PID1: variants seen among roughly 807,000 people sequenced by gnomAD.
The protein encoded by PID1 is PTB-containing, cubilin and LRP1-interacting protein.
PID1 carries 10 observed loss-of-function variants against 19.1 expected under a neutral mutation model. That is an observed-to-expected ratio of 0.52 (90% CI 0.32 to 0.89). PID1 has a LOEUF of 0.89. PID1 is among the 40% of genes least tolerant of loss of function. PID1 has a pLI of 0.03. For synonymous variants in PID1, 130 were observed against 116.0 expected (o/e 1.12, Z -0.78); for missense variants, 248 against 285.3 (o/e 0.87, Z 0.94).
In PID1 at chr2:229,148,303, C is replaced by T. The variant is rs575925992; in HGVS notation, c.177+7515G>A. Among the ~76,000 whole-genome samples, 13 of 152,270 alleles carry T rather than the reference C, an allele frequency of 8.5e-5. No homozygotes were observed. The South Asian group carries it at 2.5e-3, about 29-fold the overall frequency. On this transcript the variant is annotated intron_variant, in intron 2 of 2. Transcript: ENST00000392055. ...TAAAACCACATGTATAATATCCTTC[C>T]GCGCTAGGTACACTAGCAGTAGCAT...
chr2:229,165,589 A>C (rs903021086), intron 1 of PID1, among the ~76,000 whole-genome samples: 3 of 152,050 alleles, frequency 2.0e-5, no homozygotes, highest in African/African-American at 7.2e-5. Context: ...CAAAAATAAA[A>C]AAAAAAATTG....
chr2:229,244,084 T>C (rs762898334), intron 1 of PID1, among the ~76,000 whole-genome samples: 2 of 152,272 alleles, frequency 1.3e-5, no homozygotes, highest in Non-Finnish European at 2.9e-5. Flanking sequence ...AACATAAGAA[T>C]AAAGCAAAAA....
intron 2 of PID1, among the ~76,000 whole-genome samples, chr2:229,053,608 CTCTTGGCCTGCA>C (rs1387860194): frequency 6.6e-6 from 1 of 152,252 alleles, no homozygotes; most frequent in Non-Finnish European, 1.5e-5. Flanking sequence ...CAGTTTCCCT[CTCTTGGCCTGCA>C]TGGAGTTCCC....
At chr2:229,152,862 C>A (rs952253974) in intron 2 of PID1, among the ~76,000 whole-genome samples, 3 of 152,110 alleles carry the variant, frequency 2.0e-5, no homozygotes, top group African/African-American at 7.2e-5. Flanking sequence ...TTCCTCCTGC[C>A]TCTTTCCCTC....
chr2:229,029,561 G>A (rs953967704), intron 2 of PID1, among the ~76,000 whole-genome samples: 3 of 152,066 alleles, frequency 2.0e-5, no homozygotes, highest in African/African-American at 7.2e-5. Context: ...TCAAAGTAGA[G>A]GCCGGGCGCA....
At chr2:229,146,018 A>G (rs1003197228) in intron 2 of PID1, among the ~76,000 whole-genome samples, 1 of 152,216 alleles carries the variant, frequency 6.6e-6, no homozygotes, top group African/African-American at 2.4e-5. Flanking sequence ...CTTAGGCTTA[A>G]GAAAAAATAA....
chr2:229,218,136 T>C (rs1395075635), intron 1 of PID1, among the ~76,000 whole-genome samples: 1 of 152,156 alleles, frequency 6.6e-6, no homozygotes, highest in African/African-American at 2.4e-5. Flanking sequence ...TAATTCTTTT[T>C]CAATGAACCA....
intron 1 of PID1, among the ~76,000 whole-genome samples, chr2:229,246,092 G>A (rs911345690): frequency 6.6e-6 from 1 of 152,076 alleles, no homozygotes; most frequent in Admixed American, 6.6e-5. Flanking sequence ...AATAGCAATC[G>A]CTGATTCCTG....
intron 2 of PID1, among the ~76,000 whole-genome samples, chr2:229,077,720 C>T (rs1694588154): frequency 6.6e-6 from 1 of 152,154 alleles, no homozygotes. Flanking sequence ...TTTCTGAGAC[C>T]TCTGTTCTGT....
At chr2:229,217,156 G>T (rs1221450366) in intron 1 of PID1, among the ~76,000 whole-genome samples, 2 of 152,158 alleles carry the variant, frequency 1.3e-5, no homozygotes, top group African/African-American at 4.8e-5. Flanking sequence ...TTTTGTCCAG[G>T]ATCTACAGGG....
rs191818351 is a variant in PID1, at chr2:229,137,640, C to T, written c.177+18178G>A. Reference sequence around the variant, plus strand: ...CAATCTCTAGGTGCTGAAAGACTTACAAAAATAAATAAAGTAACAATAAAG... The same window carrying T: ...CAATCTCTAGGTGCTGAAAGACTTATAAAAATAAATAAAGTAACAATAAAG... On this transcript the variant is annotated intron_variant, in intron 2 of 2. Coordinates refer to ENST00000392055, the MANE Select transcript of PID1 (RefSeq NM_001100818.2). 7.6e-4 allele frequency among the ~76,000 whole-genome samples: 116 copies of T among 152,198 alleles called. 2 individuals are homozygous for T. The South Asian group carries it at 0.023, about 30-fold the overall frequency.
chr2:229,266,119 G>A (rs899242376), intron 1 of PID1, among the ~76,000 whole-genome samples: 1 of 152,172 alleles, frequency 6.6e-6, no homozygotes, highest in African/African-American at 2.4e-5. Flanking sequence ...AATAGGGCCC[G>A]ATGTTTTGTG....
chr2:229,160,478 G>T (rs575456156), intron 1 of PID1, among the ~76,000 whole-genome samples: 1 of 152,286 alleles, frequency 6.6e-6, no homozygotes, highest in East Asian at 1.9e-4. Flanking sequence ...GTCTTCTCCA[G>T]CCAGGCAGGC....
chr2:229,206,306 A>AT (rs139888173), intron 1 of PID1, among the ~76,000 whole-genome samples: 40,367 of 151,376 alleles, frequency 0.27, 6,260 homozygotes, highest in East Asian at 0.63. Context: ...CTAATGGTTA[A>AT]TTTTTATTTT....
chr2:229,077,949 G>C (rs11926431), intron 2 of PID1, among the ~76,000 whole-genome samples: 22 of 152,186 alleles, frequency 1.4e-4, no homozygotes, highest in Non-Finnish European at 2.9e-4. Flanking sequence ...GATGGGAATA[G>C]CATTGAATCT....
chr2:229,077,082 T>C (rs573547687), intron 2 of PID1, among the ~76,000 whole-genome samples: 1 of 152,282 alleles, frequency 6.6e-6, no homozygotes, highest in East Asian at 1.9e-4. Context: ...TAATGACCGC[T>C]ATTCTAACTG....
chr2:229,232,229 C>A, intron 1 of PID1: 1 of 1,022,988 alleles, frequency 9.8e-7, no homozygotes, highest in Non-Finnish European at 1.3e-6. Context: ...CAAGACCATC[C>A]TGGCTAACAC....
At position 229,040,737 on chromosome 2, in the gene PID1, A is replaced by G. The variant is rs1693754932; in HGVS notation, c.178-14629T>C. 2.6e-5 allele frequency among the ~76,000 whole-genome samples: 4 copies of G among 152,240 alleles called. No individual in the cohort carries two copies. The South Asian group carries it at 8.3e-4, about 31-fold the overall frequency. ...CATTTTAACACAGTATTTGGACAAT[A>G]TTCCCTCTGGCTAAAGACAGAAAAA... On this transcript the variant is annotated intron_variant, in intron 2 of 2. Transcript: ENST00000392055.
chr2:229,031,027 C>A (rs12694798), intron 2 of PID1, among the ~76,000 whole-genome samples: 1 of 151,296 alleles, frequency 6.6e-6, no homozygotes. Context: ...ACCAGCCTGG[C>A]CAATATGGTG....
Sources: allele counts gnomAD v4.1 joint callset (sites outside exome capture counted in the v4.1 genomes callset), GRCh38; gene constraint gnomAD v4.1.1; transcripts MANE v1.5; gene names NCBI Gene and HGNC (gene_info 2026-07-23, HGNC 2026-07-21).